MYBPC1: variants seen among roughly 807,000 people sequenced by gnomAD.
The protein encoded by MYBPC1 is myosin-binding protein C, slow-type.
In MYBPC1, 52 loss-of-function variants were observed where a neutral mutation model predicts 147.1. The ratio of observed to expected loss-of-function variants is 0.35; its 90% CI spans 0.28 to 0.45. The LOEUF (loss-of-function observed/expected upper bound fraction) is 0.45. Among genes scored for constraint, MYBPC1 ranks in the 20% least tolerant of loss-of-function variants. MYBPC1 has a pLI of 1.00. For synonymous variants in MYBPC1, 477 were observed against 475.9 expected (o/e 1.00, Z -0.03); for missense variants, 1,228 against 1,440.3 (o/e 0.85, Z 2.39).
At chr12:101,658,202 G>A (rs1895930859) in intron 18 of MYBPC1, among the ~76,000 whole-genome samples, 1 of 150,690 alleles carries the variant, frequency 6.6e-6, no homozygotes. Context: ...AAGACCAAGT[G>A]AAACTCACTC....
At chr12:101,652,576 C>G in intron 16 of MYBPC1, 102 bp from the exon 17 acceptor site, 1 of 804,112 alleles carries the variant, frequency 1.2e-6, no homozygotes, top group Non-Finnish European at 2.2e-6. Flanking sequence ...CTTTCCTGCA[C>G]TAAAGAAGTT....
intron 18 of MYBPC1, among the ~76,000 whole-genome samples, chr12:101,654,022 G>A (rs572337600): frequency 6.6e-6 from 1 of 152,144 alleles, no homozygotes; most frequent in Non-Finnish European, 1.5e-5. Context: ...GAGCCTGCAT[G>A]GAGAAACCCC....
At chr12:101,674,588 G>T (rs1899462961) in intron 25 of MYBPC1, among the ~76,000 whole-genome samples, 1 of 151,984 alleles carries the variant, frequency 6.6e-6, no homozygotes, top group Non-Finnish European at 1.5e-5. Context: ...TAAATTTAAG[G>T]CCGGGTGTGG....
At chr12:101,636,025 AT>A (rs1369668980) in intron 9 of MYBPC1, among the ~76,000 whole-genome samples, 2 of 152,156 alleles carry the variant, frequency 1.3e-5, no homozygotes, top group East Asian at 1.9e-4. Context: ...TTCAAGACAA[AT>A]TTTTTTAAAA....
chr12:101,636,637 TA>T, intron 9 of MYBPC1, 34 bp from the exon 10 acceptor site: 1 of 1,602,850 alleles, frequency 6.2e-7, no homozygotes, highest in African/African-American at 1.3e-5. Context: ...GTCTCTGCAT[TA>T]AACCCAGATT....
At chr12:101,601,130 C>A (rs1051569538) in intron 1 of MYBPC1, among the ~76,000 whole-genome samples, 10 of 152,068 alleles carry the variant, frequency 6.6e-5, no homozygotes, top group African/African-American at 2.4e-4. Flanking sequence ...GAGAGCATAC[C>A]AGTTAAGGAA....
rs200949332 is a variant in MYBPC1 at position 101,651,290 on chromosome 12, A to G, written c.1423A>G (p.Ile475Val). ...TDQTVNLGKE[I>V]CLKCEISENI... ...TCAGACTGTAAATCTTGGAAAAGAA[A>G]TCTGCCTGAAGTGTGAAATCTCTGA... Residue 475 changes from isoleucine (I) to valine (V), a missense_variant, in exon 16 of 32, where the codon ATC becomes GTC. Around this residue, in one of 2 missense-constraint regions of MYBPC1, gnomAD observed 1,077 missense variants for 1,314.2 expected, o/e 0.82. Coordinates refer to ENST00000361466, the MANE Select transcript of MYBPC1 (RefSeq NM_002465.4). 1.5e-4 allele frequency: 250 copies of G among 1,614,134 alleles called. 6 individuals are homozygous for G. In the South Asian group the frequency reaches 2.5e-3, roughly 16 times the overall value.
At position 101,670,412 on chromosome 12, in the gene MYBPC1, A is replaced by G. The variant is rs752669967; in HGVS notation, c.2613+3A>G. The stretch of plus-strand genomic sequence containing the variant: ...TCAATCTGGTTATACCTTTCCAGGT[A>G]AGAGTTCAAGGGTCGCTCTTTTTCT... On this transcript the variant is annotated splice_donor_region_variant and intron_variant, in intron 24 of 31. Transcript: ENST00000361466. The G allele has an allele frequency of 3.7e-6, 6 of 1,611,370 alleles. No individual in the cohort carries two copies. Among genetic ancestry groups the G allele is most frequent in the East Asian group, 2.2e-5 (1 of 44,884 alleles).
At chr12:101,693,737 C>CTAAATAAATAAATAAA in the MYBPC1 span, among the ~76,000 whole-genome samples, 335 of 101,928 alleles carry the variant, frequency 3.3e-3, 5 homozygotes, top group African/African-American at 9.3e-3. Flanking sequence ...GAATCTGTCT[C>CTAAATAAATAAATAAA]TAAATAAATA....
chr12:101,668,070 G>A (rs568359710), intron 23 of MYBPC1, among the ~76,000 whole-genome samples, 171 bp downstream of exon 23: 1 of 152,082 alleles, frequency 6.6e-6, no homozygotes, highest in Admixed American at 6.5e-5. Context: ...CTCTCTTCAG[G>A]CAATGTGGGA....
chr12:101,628,180 G>T lies in MYBPC1; in HGVS notation c.178+376G>T, dbSNP rs1889056978. ...ATGCATCCTATCAGCTGTAGCTCCT[G>T]TTCTGTGAAGTCATTCATTCATTCA... On this transcript the variant is annotated intron_variant, in intron 5 of 31. Transcript: ENST00000361466. 9 of 298,022 alleles carry T rather than the reference G, an allele frequency of 3.0e-5. 1 individual carries two copies. The highest frequency in any genetic ancestry group is 5.9e-5 in the Non-Finnish European group (9 of 152,462). The allele number at this position is 298,022 out of a possible 1,614,324, so 18.5% of individuals were successfully genotyped here. A position where few individuals can be genotyped will look rare whatever the true frequency, so the allele number is the denominator to read the frequency against.
chr12:101,647,954 C>T, intron 13 of MYBPC1, 91 bp from the exon 14 acceptor site: 1 of 1,015,384 alleles, frequency 9.8e-7, no homozygotes, highest in East Asian at 2.5e-5. Context: ...GTTGCTTTCT[C>T]ACTGTTGGTT....
chr12:101,631,772 T>C (rs1889947690), intron 7 of MYBPC1, 53 bp downstream of exon 7: 2 of 1,610,114 alleles, frequency 1.2e-6, no homozygotes, highest in Non-Finnish European at 1.7e-6. Flanking sequence ...TCCTTCTATG[T>C]GAATAAATGA....
chr12:101,622,461 G>C (rs557700322), intron 3 of MYBPC1, among the ~76,000 whole-genome samples: 1 of 152,186 alleles, frequency 6.6e-6, no homozygotes, highest in Non-Finnish European at 1.5e-5. Context: ...CTGGCTGGGT[G>C]AGATGGCTTG....
At chr12:101,689,883 G>A (rs1188131860), downstream of MYBPC1, among the ~76,000 whole-genome samples, 1 of 152,096 alleles carries the variant, frequency 6.6e-6, no homozygotes, top group African/African-American at 2.4e-5. Context: ...TCTGAGAAAT[G>A]AAAACTCTCT....
intron 2 of MYBPC1, among the ~76,000 whole-genome samples, chr12:101,616,398 T>C (rs964261301): frequency 5.3e-5 from 8 of 152,232 alleles, no homozygotes; most frequent in African/African-American, 1.9e-4. Flanking sequence ...GTTTCCTTTG[T>C]ATGTCATATT....
intron 1 of MYBPC1, among the ~76,000 whole-genome samples, chr12:101,599,620 T>C (rs1276982652): frequency 2.0e-5 from 3 of 152,196 alleles, no homozygotes; most frequent in Non-Finnish European, 2.9e-5. Context: ...AGTCATCTTA[T>C]ATACAAATAT....
intron 1 of MYBPC1, among the ~76,000 whole-genome samples, chr12:101,595,710 T>C (rs983295112): frequency 3.3e-5 from 5 of 152,144 alleles, no homozygotes; most frequent in Admixed American, 1.3e-4. Flanking sequence ...ATATCATGAA[T>C]AGATTGTTCT....
At position 101,629,505 on chromosome 12, in the gene MYBPC1, T is replaced by C. The variant is rs1232712547; in HGVS notation, c.250T>C (p.Leu84=). ...GAATGCCAACTCCCAGCTGTCCATC[T>C]TGTTCATTGAAAAACCTCAAGGAGG... ...KQNANSQLSI[L]FIEKPQGGTV... is the part of the protein sequence containing the mutation. Residue 84 remains leucine (L), a synonymous_variant, in exon 6 of 32, where the codon TTG becomes CTG. Transcript: ENST00000361466. 4 of 1,613,886 alleles carry C rather than the reference T, an allele frequency of 2.5e-6. No homozygotes were observed. The South Asian group carries it at 3.3e-5, about 13-fold the overall frequency.
Sources: allele counts gnomAD v4.1 joint callset (sites outside exome capture counted in the v4.1 genomes callset), GRCh38; gene constraint gnomAD v4.1.1; regional missense constraint gnomAD v4.1.1; transcripts MANE v1.5; gene names NCBI Gene and HGNC (gene_info 2026-07-23, HGNC 2026-07-21).